Variants in PRKAG2 observed in about 807,000 individuals in gnomAD.
PRKAG2 encodes the protein 5'-AMP-activated protein kinase subunit gamma-2.
PRKAG2 carries 26 observed loss-of-function variants against 69.6 expected under a neutral mutation model. That is an observed-to-expected ratio of 0.37 (90% confidence interval 0.27 to 0.52). PRKAG2 has a LOEUF of 0.52. PRKAG2 is among the 20% of genes least tolerant of loss of function. The pLI is 0.90. For synonymous variants in PRKAG2, 293 were observed against 285.0 expected (o/e 1.03, Z -0.28); for missense variants, 557 against 740.0 (o/e 0.75, Z 2.87).
At chr7:151,716,088 C>CT (rs925875657) in intron 3 of PRKAG2, among the ~76,000 whole-genome samples, 1 of 152,144 alleles carries the variant, frequency 6.6e-6, no homozygotes, top group Non-Finnish European at 1.5e-5. Context: ...ACACACAGGG[C>CT]TTCAGTACGC....
intron 1 of PRKAG2, among the ~76,000 whole-genome samples, chr7:151,826,589 T>G (rs995294768): frequency 5.0e-4 from 76 of 152,128 alleles, no homozygotes; most frequent in African/African-American, 1.7e-3. Flanking sequence ...GAGGTGAAAA[T>G]GTACCCTAAT....
intron 3 of PRKAG2, among the ~76,000 whole-genome samples, chr7:151,698,196 G>C (rs900551980): frequency 2.6e-5 from 4 of 152,180 alleles, no homozygotes. Flanking sequence ...GGAACTAGGG[G>C]TTTGGTCCCC....
intron 3 of PRKAG2, among the ~76,000 whole-genome samples, chr7:151,745,201 C>T (rs2151722551): frequency 6.6e-6 from 1 of 152,322 alleles, no homozygotes; most frequent in East Asian, 1.9e-4. Context: ...TGCAAAGCAC[C>T]CAGTCCCCTG....
chr7:151,808,523 G>A (rs1330142612), intron 1 of PRKAG2, among the ~76,000 whole-genome samples: 1 of 152,094 alleles, frequency 6.6e-6, no homozygotes, highest in Non-Finnish European at 1.5e-5. Flanking sequence ...AGCGCCTGGT[G>A]ATGCACAGTC....
At chr7:151,809,531 G>A (rs1024638253) in intron 1 of PRKAG2, 3 of 245,092 alleles carry the variant, frequency 1.2e-5, no homozygotes, top group African/African-American at 4.6e-5. Flanking sequence ...CTCTTCAGAT[G>A]CAAACTCCCC....
intron 3 of PRKAG2, among the ~76,000 whole-genome samples, chr7:151,679,666 G>A (rs887505351): frequency 1.3e-5 from 2 of 152,184 alleles, no homozygotes; most frequent in Non-Finnish European, 2.9e-5. Context: ...TGGGGGGCTG[G>A]GGTCTTCGTG....
At chr7:151,790,051 T>C (rs1006022845) in intron 1 of PRKAG2, among the ~76,000 whole-genome samples, 5 of 152,196 alleles carry the variant, frequency 3.3e-5, no homozygotes, top group African/African-American at 4.8e-5. Context: ...CTTCTGTTCA[T>C]GGCTACCATC....
intron 3 of PRKAG2, among the ~76,000 whole-genome samples, chr7:151,696,384 G>A (rs891889333): frequency 6.6e-6 from 1 of 152,206 alleles, no homozygotes; most frequent in African/African-American, 2.4e-5. Context: ...GCAGCGCAAC[G>A]CCACAGGACC....
intron 3 of PRKAG2, among the ~76,000 whole-genome samples, chr7:151,751,643 C>T (rs1036956022): frequency 1.1e-4 from 16 of 151,832 alleles, no homozygotes; most frequent in African/African-American, 3.6e-4. Context: ...GTACCTGGGA[C>T]GACAGGCACA....
chr7:151,749,050 G>A (rs1022048755), intron 3 of PRKAG2, among the ~76,000 whole-genome samples: 6 of 152,236 alleles, frequency 3.9e-5, no homozygotes, highest in Non-Finnish European at 7.3e-5. Context: ...CCTCATAGAG[G>A]CCCACGGGCC....
intron 4 of PRKAG2, among the ~76,000 whole-genome samples, chr7:151,659,889 C>T (rs557658563): frequency 2.6e-5 from 4 of 152,332 alleles, no homozygotes; most frequent in South Asian, 2.1e-4. Flanking sequence ...ACATCACTCA[C>T]GGCTCATGCG....
chr7:151,652,606 A>G (rs58736574), intron 4 of PRKAG2, among the ~76,000 whole-genome samples: 1,838 of 152,218 alleles, frequency 0.012, 37 homozygotes, highest in African/African-American at 0.042. Context: ...AATATGGTAA[A>G]TATTAGTAGA....
At chr7:151,874,557 A>T (rs773530228) in intron 1 of PRKAG2, among the ~76,000 whole-genome samples, 2 of 150,834 alleles carry the variant, frequency 1.3e-5, no homozygotes, top group Admixed American at 6.6e-5. Flanking sequence ...TATATGTATA[A>T]GCCATACATT....
intron 3 of PRKAG2, among the ~76,000 whole-genome samples, chr7:151,717,036 CAGG>C (rs1796293044): frequency 6.6e-6 from 1 of 152,138 alleles, no homozygotes; most frequent in Admixed American, 6.5e-5. Flanking sequence ...CACTTGAGGT[CAGG>C]AGTTCGAGAC....
chr7:151,674,805 T>A (rs1832639749), intron 4 of PRKAG2: 1 of 161,428 alleles, frequency 6.2e-6, no homozygotes, highest in African/African-American at 2.4e-5. Context: ...AATACTGTAG[T>A]ATCCCAAGCA....
chr7:151,860,257 G>T (rs1293863518), intron 1 of PRKAG2, among the ~76,000 whole-genome samples: 1 of 152,234 alleles, frequency 6.6e-6, no homozygotes, highest in Non-Finnish European at 1.5e-5. Context: ...ACCAGGACAG[G>T]CCCTCGGACA....
At position 151,703,553 on chromosome 7, in the gene PRKAG2, T is replaced by C. The variant is rs780946582; in HGVS notation, c.467-27916A>G. On this transcript the variant is annotated intron_variant, in intron 3 of 15. Coordinates refer to ENST00000287878, the MANE Select transcript of PRKAG2 (RefSeq NM_016203.4). ...TATAGAAAAGTGCACACATTGAGAG[T>C]GTACAGCTTGACAAATTTGCACAAA... 6.0e-4 allele frequency among the ~76,000 whole-genome samples: 91 copies of C among 151,952 alleles called. 2 individuals carry two copies. Among genetic ancestry groups the C allele is most frequent in the Non-Finnish European group, 8.5e-4 (58 of 68,000 alleles).
intron 5 of PRKAG2, among the ~76,000 whole-genome samples, chr7:151,605,936 CAAAAAA>C (rs560080587): frequency 8.8e-5 from 8 of 91,044 alleles, no homozygotes; most frequent in African/African-American, 1.9e-4. Context: ...GACTCCGTCT[CAAAAAA>C]AAAAAAAAAA....
intron 2 of PRKAG2, 123 bp downstream of exon 2, chr7:151,786,347 G>A (rs2077005343): frequency 4.2e-6 from 4 of 942,810 alleles, no homozygotes; most frequent in South Asian, 1.4e-5. Flanking sequence ...TTACGGCCAG[G>A]TGTGCAAGCG....
Sources: gnomAD v4.1 joint callset for allele counts (sites outside exome capture counted in the v4.1 genomes callset) on GRCh38, gnomAD v4.1.1 for gene constraint, MANE v1.5 for transcripts, NCBI Gene and HGNC (gene_info 2026-07-23, HGNC 2026-07-21) for gene names.